PRKG1: variants seen among roughly 807,000 people sequenced by gnomAD.
PRKG1 encodes protein kinase cGMP-dependent 1.
A neutral mutation model predicts 88.1 loss-of-function variants in PRKG1; 35 were observed. The ratio of observed to expected loss-of-function variants is 0.40; its 90% CI spans 0.30 to 0.53. PRKG1 has a LOEUF of 0.53. Ranked by LOEUF, PRKG1 falls within the 20% of genes least tolerant of loss-of-function variation. The pLI is 0.59. For missense variants in PRKG1, 540 were observed against 839.8 expected (o/e 0.64, Z 4.41); for synonymous variants, 303 against 292.5 (o/e 1.04, Z -0.37).
chr10:51,658,650 TAAAG>T (rs945104899), intron 3 of PRKG1, among the ~76,000 whole-genome samples: 1 of 152,132 alleles, frequency 6.6e-6, no homozygotes, highest in African/African-American at 2.4e-5. Context: ...GAATTCTCAC[TAAAG>T]GATATAGAGC....
At chr10:51,162,144 A>G (rs1846379041) in intron 2 of PRKG1, among the ~76,000 whole-genome samples, 1 of 152,126 alleles carries the variant, frequency 6.6e-6, no homozygotes, top group African/African-American at 2.4e-5. Context: ...ATGTTTAGTA[A>G]TTGTTTTGGC....
chr10:51,252,160 A>G (rs999348236), intron 2 of PRKG1, among the ~76,000 whole-genome samples: 7 of 151,808 alleles, frequency 4.6e-5, no homozygotes, highest in African/African-American at 1.7e-4. Context: ...AGATGACAGA[A>G]GCAAAACAAA....
At chr10:51,258,484 A>G (rs887772798) in intron 2 of PRKG1, among the ~76,000 whole-genome samples, 68 of 152,190 alleles carry the variant, frequency 4.5e-4, no homozygotes, top group African/African-American at 1.5e-3. Context: ...TTTTCTTTAT[A>G]TATTTTAAGG....
At chr10:52,094,848 C>A (rs1403701486) in intron 7 of PRKG1, among the ~76,000 whole-genome samples, 1 of 152,180 alleles carries the variant, frequency 6.6e-6, no homozygotes, top group Non-Finnish European at 1.5e-5. Flanking sequence ...CTCCCAAGAC[C>A]CCATCTCCAA....
chr10:51,081,465 G>A (rs528894259), intron 1 of PRKG1, among the ~76,000 whole-genome samples: 4 of 152,330 alleles, frequency 2.6e-5, no homozygotes, highest in South Asian at 2.1e-4. Context: ...TTCTTAGGGA[G>A]CTATACTGAA....
intron 9 of PRKG1, among the ~76,000 whole-genome samples, chr10:52,162,341 C>T (rs1838298869): frequency 6.6e-6 from 1 of 151,910 alleles, no homozygotes; most frequent in Admixed American, 6.6e-5. Flanking sequence ...GAAATATTTC[C>T]CTGTGCTAAT....
intron 4 of PRKG1, among the ~76,000 whole-genome samples, chr10:51,848,255 A>G (rs1028296958): frequency 1.3e-5 from 2 of 152,304 alleles, no homozygotes; most frequent in South Asian, 2.1e-4. Context: ...TCAAATTGAA[A>G]TTAAGATATA....
At chr10:51,871,753 G>A (rs1319687997) in intron 4 of PRKG1, among the ~76,000 whole-genome samples, 1 of 152,226 alleles carries the variant, frequency 6.6e-6, no homozygotes, top group African/African-American at 2.4e-5. Flanking sequence ...GGAGTGCACA[G>A]CATGTAGGTC....
At position 52,217,373 on chromosome 10, in the gene PRKG1, T is replaced by C. The variant is rs191996420; in HGVS notation, c.1077-34197T>C. ...CTATCTATATATATATATACACATA[T>C]ACACACACACACACTTATATATGTA... On this transcript the variant is annotated intron_variant, in intron 9 of 17. Coordinates refer to ENST00000373980, the MANE Select transcript of PRKG1 (RefSeq NM_006258.4). 4.0e-5 allele frequency among the ~76,000 whole-genome samples: 6 copies of C among 149,738 alleles called. No individual in the cohort carries two copies. The East Asian group carries it at 5.8e-4, about 15-fold the overall frequency.
At chr10:51,148,799 T>C (rs1845998037) in intron 1 of PRKG1, among the ~76,000 whole-genome samples, 1 of 152,238 alleles carries the variant, frequency 6.6e-6, no homozygotes, top group African/African-American at 2.4e-5. Context: ...TATTCATTAA[T>C]TGATGAAATC....
At chr10:52,172,009 A>G (rs1443791228) in intron 9 of PRKG1, among the ~76,000 whole-genome samples, 1 of 150,010 alleles carries the variant, frequency 6.7e-6, no homozygotes, top group Non-Finnish European at 1.5e-5. Flanking sequence ...TCACCTTGTT[A>G]GCCAGGATGG....
chr10:52,249,392 G>A (rs1351014340), intron 9 of PRKG1, among the ~76,000 whole-genome samples: 1 of 151,862 alleles, frequency 6.6e-6, no homozygotes, highest in Non-Finnish European at 1.5e-5. Flanking sequence ...TCACCTGGGA[G>A]CTTTTTAAAA....
chr10:51,960,332 T>A (rs1481389741), intron 5 of PRKG1, among the ~76,000 whole-genome samples: 1 of 152,106 alleles, frequency 6.6e-6, no homozygotes, highest in Non-Finnish European at 1.5e-5. Flanking sequence ...ACTGGGTTAG[T>A]TTAACAGACT....
At chr10:52,271,275 C>T in intron 10 of PRKG1, 75 bp from the exon 11 acceptor site, 1 of 1,479,980 alleles carries the variant, frequency 6.8e-7, no homozygotes, top group Non-Finnish European at 9.3e-7. Flanking sequence ...CGCCATGTAC[C>T]TGTTAATTTG....
intron 2 of PRKG1, among the ~76,000 whole-genome samples, chr10:51,154,221 G>T (rs1283163928): frequency 6.6e-6 from 1 of 151,876 alleles, no homozygotes; most frequent in African/African-American, 2.4e-5. Context: ...TAACCAATTT[G>T]TAAAAAAAGA....
chr10:51,022,215 G>A (rs77947066), intron 1 of PRKG1, among the ~76,000 whole-genome samples: 4,915 of 152,222 alleles, frequency 0.032, 258 homozygotes, highest in African/African-American at 0.11. Flanking sequence ...ATCAGACTGT[G>A]TTGATCATCA....
chr10:52,021,957 G>T (rs113771067), intron 5 of PRKG1, among the ~76,000 whole-genome samples: 2 of 152,112 alleles, frequency 1.3e-5, no homozygotes, highest in African/African-American at 4.8e-5. Context: ...AGTTAAAACT[G>T]CACTAAACGT....
At chr10:51,935,295 T>C (rs1237745821) in intron 5 of PRKG1, among the ~76,000 whole-genome samples, 5 of 152,070 alleles carry the variant, frequency 3.3e-5, no homozygotes, top group African/African-American at 1.2e-4. Context: ...GGTTGTTAAA[T>C]ATAGAGGAAA....
chr10:50,998,195 T>C (rs60439067), intron 1 of PRKG1, among the ~76,000 whole-genome samples: 2,598 of 152,304 alleles, frequency 0.017, 52 homozygotes, highest in African/African-American at 0.048. Context: ...TTCTTCTCCT[T>C]TTCCATGCTC....
Sources: allele counts gnomAD v4.1 joint callset (sites outside exome capture counted in the v4.1 genomes callset), GRCh38; gene constraint gnomAD v4.1.1; transcripts MANE v1.5; gene names NCBI Gene and HGNC (gene_info 2026-07-23, HGNC 2026-07-21).